Variants in NAV1 observed in about 807,000 individuals in gnomAD.
NAV1 encodes pore membrane and/or filament interacting like protein 3.
Under a neutral mutation model 175.2 loss-of-function variants are expected in NAV1, and 18 were observed. The ratio of observed to expected loss-of-function variants is 0.10; its 90% CI spans 0.07 to 0.15. NAV1 has a LOEUF of 0.15. Ranked by LOEUF, NAV1 falls within the 10% of genes least tolerant of loss-of-function variation. The pLI is 1.00. For synonymous variants in NAV1, 897 were observed against 978.7 expected, an observed-to-expected ratio of 0.92 and a Z score of 1.56; for missense variants, 1,731 against 2,436.6, an observed-to-expected ratio of 0.71 and a Z score of 6.10.
intron 1 of NAV1, among the ~76,000 whole-genome samples, chr1:201,693,622 C>A (rs1320317375): frequency 6.6e-6 from 1 of 152,088 alleles, no homozygotes; most frequent in East Asian, 1.9e-4. Context: ...CTGGAGTGGC[C>A]AAGGAAGGCT....
intron 1 of NAV1, among the ~76,000 whole-genome samples, chr1:201,624,572 T>C (rs1668275542): frequency 6.6e-6 from 1 of 151,914 alleles, no homozygotes; most frequent in African/African-American, 2.4e-5. Context: ...GGTCTCGATC[T>C]CCTGACCTCG....
At chr1:201,566,049 C>G (rs1296515634) in intron 1 of NAV1, among the ~76,000 whole-genome samples, 1 of 152,202 alleles carries the variant, frequency 6.6e-6, no homozygotes, top group African/African-American at 2.4e-5. Flanking sequence ...TCCCTGCCAG[C>G]ACTGAGCTCT....
intron 1 of NAV1, among the ~76,000 whole-genome samples, chr1:201,577,141 T>C (rs982298015): frequency 3.3e-5 from 5 of 152,288 alleles, no homozygotes; most frequent in East Asian, 3.9e-4. Context: ...AGTGAACCAC[T>C]ATGCCTGGCC....
At chr1:201,747,371 C>G (rs889377446) in intron 3 of NAV1, among the ~76,000 whole-genome samples, 1 of 152,210 alleles carries the variant, frequency 6.6e-6, no homozygotes, top group Admixed American at 6.5e-5. Flanking sequence ...TTTTGGTGAT[C>G]TGCCAACTGT....
chr1:201,752,889 T>C (rs1195514878), intron 3 of NAV1, among the ~76,000 whole-genome samples: 1 of 152,184 alleles, frequency 6.6e-6, no homozygotes, highest in Non-Finnish European at 1.5e-5. Flanking sequence ...TTTTCCCCCA[T>C]GAAGCTTTAT....
At chr1:201,643,270 CCTCT>C (rs200118547), upstream of NAV1, among the ~76,000 whole-genome samples, 10 of 140,980 alleles carry the variant, frequency 7.1e-5, no homozygotes, top group South Asian at 6.7e-4. Flanking sequence ...TCCTTCCCTC[CCTCT>C]CTTTCTTTCT....
intron 1 of NAV1, among the ~76,000 whole-genome samples, chr1:201,693,753 C>A (rs529218449): frequency 6.6e-6 from 1 of 152,080 alleles, no homozygotes; most frequent in Non-Finnish European, 1.5e-5. Flanking sequence ...AGCCAGGCAT[C>A]GGCCTGAATG....
intron 3 of NAV1, among the ~76,000 whole-genome samples, chr1:201,774,810 G>A (rs516705): frequency 0.33 from 49,514 of 151,954 alleles, 9,069 homozygotes; most frequent in Admixed American, 0.43. Flanking sequence ...AAAATAAAGC[G>A]TTTTTCTTTT....
chr1:201,616,007 GTT>G (rs141764383), intron 2 of NAV1, among the ~76,000 whole-genome samples: 1 of 148,600 alleles, frequency 6.7e-6, no homozygotes, highest in East Asian at 2.0e-4. Flanking sequence ...GAAAAAGAAG[GTT>G]TTTTTTTTGT....
At chr1:201,668,626 G>C (rs886564929) in intron 1 of NAV1, among the ~76,000 whole-genome samples, 1 of 152,122 alleles carries the variant, frequency 6.6e-6, no homozygotes, top group African/African-American at 2.4e-5. Flanking sequence ...GGCGTGGGTC[G>C]ATGCAGCCCC....
At position 201,766,303 on chromosome 1, in the gene NAV1, T is replaced by C. The variant is rs114016339; in HGVS notation, c.1227-14118T>C. Among the ~76,000 whole-genome samples, 1,328 of 152,286 alleles carry C rather than the reference T, an allele frequency of 8.7e-3. 8 individuals carry two copies. Among genetic ancestry groups the C allele is most frequent in the Non-Finnish European group, 0.015 (998 of 68,004 alleles). On this transcript the variant is annotated intron_variant, in intron 3 of 29. Transcript: ENST00000367296. ...GCTTTGTTGGCCAGGTCAAGCTAGTTTGCTGTGATCTCTGCCAAACCACAG... is the reference window on the plus strand; with the variant it reads ...GCTTTGTTGGCCAGGTCAAGCTAGTCTGCTGTGATCTCTGCCAAACCACAG...
intron 11 of NAV1, 33 bp downstream of exon 15, chr1:201,789,825 C>A (rs762044999): frequency 3.6e-5 from 57 of 1,596,778 alleles, no homozygotes; most frequent in Non-Finnish European, 4.6e-5. Context: ...CCCTCTCATC[C>A]CCTCCCCTCT....
exon 23 of NAV1, chr1:201,809,978 C>G (rs1237556424): frequency 6.2e-7 from 1 of 1,613,866 alleles, no homozygotes; most frequent in Non-Finnish European, 8.5e-7. Flanking sequence ...CAGCCTCTAC[C>G]CTGGGACTAA....
At position 201,748,747 on chromosome 1, in the gene NAV1, G is replaced by A. The variant is rs984556189; in HGVS notation, c.1226+29992G>A. On this transcript the variant is annotated intron_variant, in intron 3 of 29. Transcript: ENST00000367296. Reference sequence around the variant, plus strand: ...CAGGGAGACAGTGGAGCCTATAGGAGCCCCCTAAAGAAGTTGGGACCCTTG... The same window carrying A: ...CAGGGAGACAGTGGAGCCTATAGGAACCCCCTAAAGAAGTTGGGACCCTTG... Among the ~76,000 whole-genome samples the A allele has an allele frequency of 3.3e-5, 5 of 152,260 alleles. No individual in the cohort carries two copies. In the East Asian group the frequency reaches 9.6e-4, roughly 29 times the overall value.
At chr1:201,631,969 A>G (rs540914044) in intron 2 of NAV1, among the ~76,000 whole-genome samples, 2 of 152,188 alleles carry the variant, frequency 1.3e-5, no homozygotes, top group African/African-American at 4.8e-5. Context: ...AAGGAATCCA[A>G]TGTAAGTGGT....
intron 3 of NAV1, among the ~76,000 whole-genome samples, chr1:201,727,083 G>A (rs935904046): frequency 2.0e-5 from 3 of 152,280 alleles, no homozygotes; most frequent in African/African-American, 7.2e-5. Context: ...TGCCTACTCT[G>A]TAAGATTAAT....
At chr1:201,778,160 T>C (rs1676081000) in intron 3 of NAV1, among the ~76,000 whole-genome samples, 1 of 152,174 alleles carries the variant, frequency 6.6e-6, no homozygotes, top group Non-Finnish European at 1.5e-5. Context: ...TGGGAAGGAA[T>C]GTCTTTTGAG....
chr1:201,773,960 A>G lies in NAV1; in HGVS notation c.1227-6461A>G, dbSNP rs190776483. Among the ~76,000 whole-genome samples the G allele has an allele frequency of 2.6e-3, 389 of 152,308 alleles. 2 individuals carry two copies. The highest frequency in any genetic ancestry group is 8.5e-3 in the African/African-American group (353 of 41,558). ...AAAATGACAAAGTGCCATTGTTCTT[A>G]TAAGAACTCGCCCCAAATAAAAACT... is the stretch of plus-strand genomic sequence containing the variant. On this transcript the variant is annotated intron_variant, in intron 3 of 29. Transcript: ENST00000367296.
intron 1 of NAV1, among the ~76,000 whole-genome samples, chr1:201,676,298 C>T (rs1404596374): frequency 6.6e-6 from 1 of 152,180 alleles, no homozygotes; most frequent in Non-Finnish European, 1.5e-5. Flanking sequence ...AAGTTTGACT[C>T]CTTCCTGAAA....
Sources: allele counts gnomAD v4.1 joint callset (sites outside exome capture counted in the v4.1 genomes callset), GRCh38; gene constraint gnomAD v4.1.1; transcripts MANE v1.5; gene names NCBI Gene and HGNC (gene_info 2026-07-23, HGNC 2026-07-21).